RINT1: variants seen among roughly 807,000 people sequenced by gnomAD.
RINT1 encodes the protein RAD50 interactor 1, also known as RAD50-interacting protein 1.
In RINT1, 75 loss-of-function variants were observed where a neutral mutation model predicts 97.7. The ratio of observed to expected loss-of-function variants is 0.77; its 90% CI spans 0.64 to 0.93. The LOEUF (loss-of-function observed/expected upper bound fraction) is 0.93, where lower values mean the gene tolerates loss of function less well. RINT1 is among the 40% of genes least tolerant of loss of function. The probability of loss-of-function intolerance (pLI) is 0.00; values close to 1 mark genes in which losing one functional copy is unlikely to be tolerated. For synonymous variants in RINT1, 303 were observed against 326.3 expected (o/e 0.93, Z 0.77); for missense variants, 892 against 925.2 (o/e 0.96, Z 0.47).
intron 4 of RINT1, among the ~76,000 whole-genome samples, chr7:105,545,048 T>C (rs1264862149): frequency 4.6e-5 from 7 of 152,152 alleles, no homozygotes; most frequent in Non-Finnish European, 1.0e-4. Context: ...TTGGATACTA[T>C]AGTATAGCAC....
chr7:105,560,024 G>A (rs1365671465), intron 11 of RINT1, among the ~76,000 whole-genome samples: 1 of 152,184 alleles, frequency 6.6e-6, no homozygotes, highest in Non-Finnish European at 1.5e-5. Flanking sequence ...GCCTAAGTTG[G>A]GATGTGGGGT....
At chr7:105,546,889 T>A (rs1304802749) in intron 4 of RINT1, 21 bp from the exon 5 acceptor site, 9 of 1,556,824 alleles carry the variant, frequency 5.8e-6, no homozygotes, top group Middle Eastern at 1.7e-4. Context: ...GAAAAAAAAA[T>A]TTGCTTTACT....
intron 6 of RINT1, among the ~76,000 whole-genome samples, chr7:105,547,729 T>TTA (rs1562848062): frequency 6.7e-6 from 1 of 149,872 alleles, no homozygotes; most frequent in African/African-American, 2.5e-5. Context: ...TTTTTTTTTT[T>TTA]TTTTTTTGAG....
chr7:105,557,052 A>G (rs951286234), intron 11 of RINT1, among the ~76,000 whole-genome samples: 2 of 152,232 alleles, frequency 1.3e-5, no homozygotes, highest in African/African-American at 4.8e-5. Flanking sequence ...CCCATAAAGT[A>G]CATTTCATGA....
Position 105,550,440 on chromosome 7 carries a change from A to G in RINT1, c.1287A>G (p.Leu429=), listed in dbSNP as rs141309512. Residue 429 remains leucine (L), a synonymous_variant, in exon 9 of 15, where the codon CTA becomes CTG. Transcript: ENST00000257700. The part of the protein sequence containing the change: ...PGTFASCMHI[L]SEETCFQRWL... ...CTTTTGCTAGTTGTATGCATATTCT[A>G]TCAGAGGAAACCTGTTTTCAGAGAT... The G allele has an allele frequency of 8.7e-6, 14 of 1,614,154 alleles. No homozygotes were observed. The highest frequency in any genetic ancestry group is 6.7e-5 in the East Asian group (3 of 44,868).
chr7:105,563,907 A>C lies in RINT1; in HGVS notation c.1846A>C (p.Arg616=). 3 of 1,614,162 alleles carry C rather than the reference A, an allele frequency of 1.9e-6. No homozygotes were observed. Among genetic ancestry groups the C allele is most frequent in the Non-Finnish European group, 2.5e-6 (3 of 1,180,016 alleles). The part of the protein sequence containing the change: ...MLTRQVDHVF[R]EVKDAAKLYK... ...GACCCGTCAAGTAGACCACGTTTTT[A>C]GAGAAGTTAAAGATGCTGCAAAATT... Residue 616 remains arginine, a synonymous_variant, in exon 12 of 15, where the codon AGA becomes CGA. Transcript: ENST00000257700.
chr7:105,553,025 A>G (rs1479402665), intron 10 of RINT1, among the ~76,000 whole-genome samples: 1 of 152,124 alleles, frequency 6.6e-6, no homozygotes, highest in Admixed American at 6.6e-5. Flanking sequence ...AAGACAAAAA[A>G]ATTAAGGAAA....
At chr7:105,535,349 C>G (rs181486707) in intron 2 of RINT1, among the ~76,000 whole-genome samples, 5 of 150,858 alleles carry the variant, frequency 3.3e-5, no homozygotes, top group African/African-American at 1.2e-4. Context: ...TCTGCCTCAG[C>G]CTCCCGAGTA....
intron 4 of RINT1, 96 bp downstream of exon 4, chr7:105,542,745 A>G (rs1562844269): frequency 4.9e-6 from 6 of 1,213,890 alleles, no homozygotes; most frequent in Non-Finnish European, 5.5e-6. Context: ...GAGTTAATTA[A>G]AGATTATAAT....
At chr7:105,559,477 G>A (rs552960654) in intron 11 of RINT1, among the ~76,000 whole-genome samples, 113 of 147,178 alleles carry the variant, frequency 7.7e-4, no homozygotes, top group African/African-American at 2.8e-3. Context: ...GGAGGTGGAG[G>A]TTGCAGTGAG....
intron 6 of RINT1, 109 bp downstream of exon 6, chr7:105,547,442 C>T: frequency 9.1e-7 from 1 of 1,102,990 alleles, no homozygotes; most frequent in Non-Finnish European, 1.3e-6. Flanking sequence ...AATAAGAATC[C>T]TGTGTTTGGA....
At chr7:105,535,723 A>G (rs1790205064) in intron 2 of RINT1, 1 of 341,280 alleles carries the variant, frequency 2.9e-6, no homozygotes, top group African/African-American at 2.2e-5. Context: ...TAATTTTGTT[A>G]GATGAAGTCT....
rs373522979 is a variant in RINT1 at position 105,551,524 on chromosome 7, C to T, written c.1334-46C>T. 2.6e-5 allele frequency: 38 copies of T among 1,470,710 alleles called. No individual in the cohort carries two copies. The South Asian group carries it at 3.4e-4, about 13-fold the overall frequency. 91.1% of individuals were successfully genotyped at this position (1,470,710 alleles called of 1,614,324 possible). On this transcript the variant is annotated intron_variant, in intron 9 of 14. Coordinates refer to ENST00000257700, the MANE Select transcript of RINT1 (RefSeq NM_021930.6). ...AAATTACAAGTTGAATAATTAGGAA[C>T]GACTGTAACTACTTAATTGACATAA... is the stretch of plus-strand genomic sequence containing the variant.
At chr7:105,540,513 C>T (rs1274317027) in intron 3 of RINT1, among the ~76,000 whole-genome samples, 1 of 152,144 alleles carries the variant, frequency 6.6e-6, no homozygotes, top group Non-Finnish European at 1.5e-5. Flanking sequence ...CCACCAGCTT[C>T]TGCCTCCCAA....
chr7:105,555,188 C>A lies in RINT1; in HGVS notation c.1632C>A (p.Asn544Lys), dbSNP rs1181411011. The stretch of plus-strand genomic sequence containing the variant: ...ACTGTGCAATTCTTAATGCTGTGAA[C>A]TACATCTCAACAGTACTAGCAGATT... ...FRYCAILNAV[N>K]YISTVLADWA... is the part of the protein sequence containing the mutation. Residue 544 changes from asparagine to lysine, a missense_variant, in exon 11 of 15, where the codon AAC (asparagine) becomes AAA (lysine). Coordinates refer to ENST00000257700, the MANE Select transcript of RINT1 (RefSeq NM_021930.6). 2.5e-6 allele frequency: 4 copies of A among 1,614,036 alleles called. No individual in the cohort carries two copies. The highest frequency in any genetic ancestry group is 3.4e-6 in the Non-Finnish European group (4 of 1,180,004).
intron 3 of RINT1, among the ~76,000 whole-genome samples, 183 bp downstream of exon 3, chr7:105,536,932 A>G (rs1251320609): frequency 2.6e-5 from 4 of 152,214 alleles, no homozygotes; most frequent in Non-Finnish European, 5.9e-5. Flanking sequence ...GGTAAAAGAC[A>G]AAGTTCCTAC....
In RINT1 at chr7:105,546,852, G is replaced by A. The variant is rs182074165; in HGVS notation, c.516-58G>A. The A allele has an allele frequency of 1.2e-3, 1,572 of 1,320,414 alleles. 37 individuals are homozygous for A. In the Admixed American group the frequency reaches 0.033, roughly 28 times the overall value. 81.8% of individuals were successfully genotyped at this position (1,320,414 alleles called of 1,614,324 possible). A position where few individuals can be genotyped will look rare whatever the true frequency, so the allele number is the denominator to read the frequency against. ...ATCATGCCACTGCACTCCAACCTGG[G>A]CAACAGAGTGAGACTCTGTCTCAAA... is the stretch of plus-strand genomic sequence containing the variant. On this transcript the variant is annotated intron_variant, in intron 4 of 14. Coordinates refer to ENST00000257700, the MANE Select transcript of RINT1 (RefSeq NM_021930.6).
chr7:105,542,305 A>C (rs191836908), intron 3 of RINT1, 103 bp from the exon 4 acceptor site: 342 of 855,732 alleles, frequency 4.0e-4, no homozygotes, highest in Admixed American at 2.3e-3. Flanking sequence ...ACTGCACTCC[A>C]GCCTGGGCAA....
At chr7:105,564,427 T>C (rs1221737621) in intron 12 of RINT1, among the ~76,000 whole-genome samples, 3 of 152,138 alleles carry the variant, frequency 2.0e-5, no homozygotes, top group Non-Finnish European at 4.4e-5. Flanking sequence ...ATTTAGTTGT[T>C]TGTAAATATA....
Sources: gnomAD v4.1 joint callset for allele counts (sites outside exome capture counted in the v4.1 genomes callset) on GRCh38, gnomAD v4.1.1 for gene constraint, MANE v1.5 for transcripts, NCBI Gene and HGNC (gene_info 2026-07-23, HGNC 2026-07-21) for gene names.